TFDP2: variants seen among roughly 807,000 people sequenced by gnomAD.
TFDP2 encodes the protein transcription factor Dp-2 (E2F dimerization partner 2).
TFDP2 carries 17 observed loss-of-function variants against 59.3 expected under a neutral mutation model. The ratio of observed to expected loss-of-function variants is 0.29; its 90% CI spans 0.20 to 0.43. The LOEUF is 0.43. TFDP2 is among the 20% of genes least tolerant of loss of function. TFDP2 has a pLI of 1.00. For synonymous variants in TFDP2, 180 were observed against 194.7 expected (o/e 0.92, Z 0.63); for missense variants, 391 against 528.8 (o/e 0.74, Z 2.56).
intron 3 of TFDP2, among the ~76,000 whole-genome samples, chr3:142,078,156 T>C (rs1366901336): frequency 6.6e-6 from 1 of 152,146 alleles, no homozygotes; most frequent in Non-Finnish European, 1.5e-5. Context: ...AGCTCAACCA[T>C]AGCAGAATAC....
chr3:142,101,783 C>G lies in TFDP2; in HGVS notation c.-34G>C, dbSNP rs2061325605. ...GTATTCTATTTAAGATTCTGTAAAG[C>G]CATTAAAAAAATAAAAAGAAAAAAA... On this transcript the variant is annotated 5_prime_UTR_variant, in exon 2 of 13. Transcript: ENST00000489671. 7 of 1,258,130 alleles carry G rather than the reference C, an allele frequency of 5.6e-6. No individual in the cohort carries two copies. Among genetic ancestry groups the G allele is most frequent in the Non-Finnish European group, 7.3e-6 (7 of 960,430 alleles). The allele number at this position is 1,258,130 out of a possible 1,614,324, so 77.9% of individuals were successfully genotyped here. A position where few individuals can be genotyped will look rare whatever the true frequency, so the allele number is the denominator to read the frequency against.
chr3:142,008,120 T>C (rs1944363012), intron 3 of TFDP2, among the ~76,000 whole-genome samples: 1 of 152,070 alleles, frequency 6.6e-6, no homozygotes, highest in Non-Finnish European at 1.5e-5. Flanking sequence ...CAATGAACAA[T>C]ACCAATTCCT....
intron 1 of TFDP2, among the ~76,000 whole-genome samples, chr3:142,125,027 C>T (rs2062184942): frequency 6.6e-6 from 1 of 151,624 alleles, no homozygotes; most frequent in Non-Finnish European, 1.5e-5. Flanking sequence ...GTGATTCCAT[C>T]TTTACCGAAA....
At position 142,131,181 on chromosome 3, in the gene TFDP2, T is replaced by C. The variant is rs1465646768; in HGVS notation, c.-93+18002A>G. 3.3e-5 allele frequency among the ~76,000 whole-genome samples: 5 copies of C among 150,044 alleles called. 1 individual carries two copies. The highest frequency in any genetic ancestry group is 1.3e-4 in the African/African-American group (5 of 39,596). ...CTCTATAAACATAGACAAATTGTATTTAGAGTAAGAATATTATTGAGGATA... is the reference window on the plus strand; with the variant it reads ...CTCTATAAACATAGACAAATTGTATCTAGAGTAAGAATATTATTGAGGATA... On this transcript the variant is annotated intron_variant, in intron 1 of 12. Transcript: ENST00000489671.
At chr3:141,975,894 T>C (rs1340649268) in intron 7 of TFDP2, among the ~76,000 whole-genome samples, 1 of 152,108 alleles carries the variant, frequency 6.6e-6, no homozygotes, top group Non-Finnish European at 1.5e-5. Context: ...AACAACTATT[T>C]TTCCGAGACA....
In TFDP2 at chr3:142,025,855, T is replaced by C. The variant is rs537047468; in HGVS notation, c.83-20311A>G. Among the ~76,000 whole-genome samples the C allele has an allele frequency of 2.6e-5, 4 of 152,228 alleles. No homozygotes were observed. The South Asian group carries it at 6.2e-4, about 24-fold the overall frequency. Reference sequence around the variant, plus strand: ...GGCGCATGCCTGTAATCCCAGCTACTTGGGGGGCTGAGGAAGGAGAATCGC... The same window carrying C: ...GGCGCATGCCTGTAATCCCAGCTACCTGGGGGGCTGAGGAAGGAGAATCGC... On this transcript the variant is annotated intron_variant, in intron 3 of 12. Coordinates refer to ENST00000489671, the MANE Select transcript of TFDP2 (RefSeq NM_001178139.2).
At chr3:142,082,305 T>C (rs2060663257) in intron 3 of TFDP2, among the ~76,000 whole-genome samples, 1 of 152,200 alleles carries the variant, frequency 6.6e-6, no homozygotes, top group African/African-American at 2.4e-5. Context: ...TTCTACATTA[T>C]GGTGAGTTGT....
intron 2 of TFDP2, among the ~76,000 whole-genome samples, chr3:142,099,924 T>C (rs1013595995): frequency 1.3e-5 from 2 of 152,162 alleles, no homozygotes; most frequent in Non-Finnish European, 2.9e-5. Context: ...ATTTACCCAG[T>C]TACACAAGTC....
At chr3:142,108,005 T>G (rs373514775) in intron 1 of TFDP2, among the ~76,000 whole-genome samples, 1 of 152,206 alleles carries the variant, frequency 6.6e-6, no homozygotes, top group African/African-American at 2.4e-5. Flanking sequence ...ATTTCAATAT[T>G]AAATTGAATT....
At chr3:142,010,030 A>C (rs1294149576) in intron 3 of TFDP2, among the ~76,000 whole-genome samples, 2 of 152,158 alleles carry the variant, frequency 1.3e-5, no homozygotes, top group Admixed American at 6.5e-5. Flanking sequence ...CATGTTACAG[A>C]ATTCAGATAT....
intron 3 of TFDP2, among the ~76,000 whole-genome samples, chr3:142,080,621 A>G (rs1395179622): frequency 2.0e-5 from 3 of 152,206 alleles, no homozygotes; most frequent in Non-Finnish European, 4.4e-5. Context: ...ACCAATAAAG[A>G]CACATGCAGA....
chr3:142,110,813 C>T (rs1405404871), intron 1 of TFDP2, among the ~76,000 whole-genome samples: 2 of 151,902 alleles, frequency 1.3e-5, no homozygotes, highest in African/African-American at 4.8e-5. Flanking sequence ...ATTCACCAGG[C>T]ATGGTGGCAC....
At chr3:142,077,319 G>A (rs928604840) in intron 3 of TFDP2, among the ~76,000 whole-genome samples, 1 of 152,148 alleles carries the variant, frequency 6.6e-6, no homozygotes, top group African/African-American at 2.4e-5. Context: ...TGGACATCGG[G>A]GGCACACAAC....
intron 10 of TFDP2, among the ~76,000 whole-genome samples, chr3:141,963,377 T>C (rs1937558479): frequency 1.3e-5 from 2 of 152,202 alleles, no homozygotes. Flanking sequence ...TGCATAACTA[T>C]GATATAGCAA....
chr3:141,960,960 AAAGG>A (rs1157548332), intron 10 of TFDP2, among the ~76,000 whole-genome samples: 2 of 152,174 alleles, frequency 1.3e-5, no homozygotes. Flanking sequence ...CCCTCCACTC[AAAGG>A]AAGGCCAAGG....
chr3:141,973,093 GTATATA>G lies in TFDP2; in HGVS notation c.663+949_663+954del, dbSNP rs1553761666. Among the ~76,000 whole-genome samples the G allele has an allele frequency of 1.3e-3, 138 of 103,152 alleles. 2 individuals carry two copies. The highest frequency in any genetic ancestry group is 5.3e-3 in the Middle Eastern group (1 of 188). The allele number at this position is 103,152 out of a possible 152,430, so 67.7% of individuals were successfully genotyped here. A position where few individuals can be genotyped will look rare whatever the true frequency, so the allele number is the denominator to read the frequency against. On this transcript the variant is annotated intron_variant, in intron 8 of 12. Coordinates refer to ENST00000489671, the MANE Select transcript of TFDP2 (RefSeq NM_001178139.2). ...TCTTAATTATCTCCCAAAGCTATGT[GTATATA>G]TATATATATATATATATATATATAT...
chr3:142,084,413 G>C (rs1252211092), intron 3 of TFDP2, among the ~76,000 whole-genome samples: 5 of 152,094 alleles, frequency 3.3e-5, no homozygotes, highest in Non-Finnish European at 7.4e-5. Flanking sequence ...GAACAGTTTG[G>C]GAGCTCCTCA....
intron 1 of TFDP2, among the ~76,000 whole-genome samples, chr3:142,146,135 T>C (rs1178836405): frequency 6.6e-6 from 1 of 152,200 alleles, no homozygotes; most frequent in East Asian, 1.9e-4. Context: ...ATAGATTTGA[T>C]ATTTATTGGA....
intron 1 of TFDP2, among the ~76,000 whole-genome samples, chr3:142,134,473 T>C (rs1348365339): frequency 6.6e-6 from 1 of 152,118 alleles, no homozygotes; most frequent in Non-Finnish European, 1.5e-5. Flanking sequence ...TTAATCAAAA[T>C]TGCCATTAGT....
Sources: gnomAD v4.1 joint callset for allele counts (sites outside exome capture counted in the v4.1 genomes callset) on GRCh38, gnomAD v4.1.1 for gene constraint, MANE v1.5 for transcripts, NCBI Gene and HGNC (gene_info 2026-07-23, HGNC 2026-07-21) for gene names.